The following LRBA variants were observed in gnomAD, a reference collection of about 807,000 sequenced individuals.
LRBA encodes the protein lipopolysaccharide-responsive and beige-like anchor protein.
In LRBA, 176 loss-of-function variants were observed where a neutral mutation model predicts 330.0. The observed-to-expected ratio is 0.53, with a 90% CI of 0.47 to 0.60. LRBA has a LOEUF of 0.60. Among genes scored for constraint, LRBA ranks in the 20% least tolerant of loss-of-function variants. The pLI is 0.00. For missense variants in LRBA, 3,259 were observed against 3,444.8 expected (o/e 0.95, Z 1.35); for synonymous variants, 1,230 against 1,193.0 (o/e 1.03, Z -0.64).
intron 37 of LRBA, among the ~76,000 whole-genome samples, chr4:150,625,356 A>G (rs1776745892): frequency 6.6e-6 from 1 of 152,226 alleles, no homozygotes; most frequent in Non-Finnish European, 1.5e-5. Flanking sequence ...TGACTGATAA[A>G]ATAAAGCCGT....
rs543057830 is a variant in LRBA, at chr4:151,009,040, T to C, written c.216+5387A>G. Among the ~76,000 whole-genome samples, 879 of 118,852 alleles carry C rather than the reference T, an allele frequency of 7.4e-3. 19 individuals carry two copies. The highest frequency in any genetic ancestry group is 0.02 in the Middle Eastern group (4 of 202). The allele number at this position is 118,852 out of a possible 152,430, so 78.0% of individuals were successfully genotyped here. ...ATATATATATATAAAATGGTATTTT[T>C]TTTTCTTATACAGACAAGGTCTTAC... On this transcript the variant is annotated intron_variant, in intron 2 of 56. Coordinates refer to ENST00000651943, the MANE Select transcript of LRBA (RefSeq NM_001364905.1).
Position 150,367,930 on chromosome 4 carries a change from T to A in LRBA, c.7195-17771A>T, listed in dbSNP as rs189975803. Among the ~76,000 whole-genome samples, 119 of 152,266 alleles carry A rather than the reference T, an allele frequency of 7.8e-4. 1 individual carries two copies. The highest frequency in any genetic ancestry group is 2.2e-3 in the Admixed American group (34 of 15,286). On this transcript the variant is annotated intron_variant, in intron 47 of 56. Coordinates refer to ENST00000651943, the MANE Select transcript of LRBA (RefSeq NM_001364905.1). The stretch of plus-strand genomic sequence containing the variant: ...AAGATTGTCAATATAATCCCTAAAC[T>A]CTATCTCTGGATATTTTCTGTAACT...
chr4:150,609,886 A>G (rs751725616), intron 37 of LRBA, among the ~76,000 whole-genome samples: 1 of 152,170 alleles, frequency 6.6e-6, no homozygotes, highest in Non-Finnish European at 1.5e-5. Context: ...GGGTTTGATA[A>G]AGACAGAAGA....
intron 36 of LRBA, among the ~76,000 whole-genome samples, chr4:150,696,962 C>T (rs994410169): frequency 6.7e-6 from 1 of 149,926 alleles, no homozygotes; most frequent in Non-Finnish European, 1.5e-5. Context: ...TGTACTGAGC[C>T]GAGACTGCAG....
intron 28 of LRBA, among the ~76,000 whole-genome samples, chr4:150,843,087 A>C (rs1409459131): frequency 6.6e-6 from 1 of 151,780 alleles, no homozygotes; most frequent in African/African-American, 2.4e-5. Flanking sequence ...GCTTGGCTTC[A>C]CTCCTCACCC....
At chr4:150,763,421 T>A (rs1161608708) in intron 34 of LRBA, among the ~76,000 whole-genome samples, 1 of 152,030 alleles carries the variant, frequency 6.6e-6, no homozygotes, top group African/African-American at 2.4e-5. Flanking sequence ...AAATTCATAC[T>A]GAATTCATAT....
At chr4:150,837,765 T>C (rs1022672541) in intron 28 of LRBA, among the ~76,000 whole-genome samples, 4 of 152,240 alleles carry the variant, frequency 2.6e-5, no homozygotes, top group South Asian at 4.1e-4. Context: ...TCTGTGTCTT[T>C]TAATTGGAGC....
intron 37 of LRBA, among the ~76,000 whole-genome samples, chr4:150,649,752 C>A (rs1341986162): frequency 6.6e-6 from 1 of 151,980 alleles, no homozygotes; most frequent in Non-Finnish European, 1.5e-5. Context: ...AATTGAGTTA[C>A]CCCAATTTAA....
intron 51 of LRBA, among the ~76,000 whole-genome samples, chr4:150,312,287 A>G (rs967301517): frequency 1.3e-5 from 2 of 152,122 alleles, no homozygotes; most frequent in Non-Finnish European, 2.9e-5. Context: ...GCAGTCTTCA[A>G]ACTAGGGTAT....
intron 35 of LRBA, among the ~76,000 whole-genome samples, chr4:150,748,670 GAA>G (rs554679047): frequency 4.3e-5 from 5 of 116,152 alleles, no homozygotes; most frequent in Non-Finnish European, 3.8e-5. Flanking sequence ...CCATCTCACA[GAA>G]AAAAAAAAAA....
chr4:150,699,947 TCAAAATG>T (rs1451399024), intron 36 of LRBA, among the ~76,000 whole-genome samples: 3 of 152,052 alleles, frequency 2.0e-5, no homozygotes, highest in Admixed American at 6.6e-5. Context: ...AATTCAAAAT[TCAAAATG>T]CTCCAAAATC....
At chr4:150,318,027 A>C (rs1731952235) in intron 50 of LRBA, among the ~76,000 whole-genome samples, 1 of 152,202 alleles carries the variant, frequency 6.6e-6, no homozygotes, top group South Asian at 2.1e-4. Context: ...TATCTACTCC[A>C]GCCATGTTTT....
In LRBA at chr4:150,900,037, G is replaced by T; in HGVS notation, c.1924+12C>A. ...ATTTGTGTAAAGTAATATACAGACA[G>T]AAATTATATACCTAATCCTTTTGGG... On this transcript the variant is annotated intron_variant, in intron 14 of 56. Coordinates refer to ENST00000651943, the MANE Select transcript of LRBA (RefSeq NM_001364905.1). The T allele has an allele frequency of 6.3e-7, 1 of 1,594,276 alleles. No homozygotes were observed. Among genetic ancestry groups the T allele is most frequent in the Non-Finnish European group, 8.6e-7 (1 of 1,167,438 alleles).
At chr4:150,377,383 G>C (rs1741508968) in intron 47 of LRBA, among the ~76,000 whole-genome samples, 1 of 152,154 alleles carries the variant, frequency 6.6e-6, no homozygotes, top group African/African-American at 2.4e-5. Context: ...TGAAAACCTG[G>C]ATCTGTGATT....
At chr4:150,682,743 C>T (rs973822676) in intron 37 of LRBA, among the ~76,000 whole-genome samples, 1 of 151,914 alleles carries the variant, frequency 6.6e-6, no homozygotes, top group Non-Finnish European at 1.5e-5. Flanking sequence ...AAGTAATTTA[C>T]TATTTTTGTT....
At position 150,489,291 on chromosome 4, in the gene LRBA, TATATA is replaced by T. The variant is rs575897131; in HGVS notation, c.6449-1462_6449-1458del. The stretch of plus-strand genomic sequence containing the variant: ...ATATATAATATATTATATATAAGAA[TATATA>T]ATATATTATATATAAGAATATATAA... On this transcript the variant is annotated intron_variant, in intron 41 of 56. Coordinates refer to ENST00000651943, the MANE Select transcript of LRBA (RefSeq NM_001364905.1). Among the ~76,000 whole-genome samples, 154 of 102,310 alleles carry T rather than the reference TATATA, an allele frequency of 1.5e-3. 10 individuals carry two copies. The South Asian group carries it at 0.04, about 27-fold the overall frequency. 67.1% of individuals were successfully genotyped at this position (102,310 alleles called of 152,430 possible).
rs535592821 is a variant in LRBA at position 150,318,826 on chromosome 4, C to T, written c.7630+2365G>A. 2.6e-5 allele frequency among the ~76,000 whole-genome samples: 4 copies of T among 152,228 alleles called. No homozygotes were observed. In the South Asian group the frequency reaches 8.3e-4, roughly 32 times the overall value. On this transcript the variant is annotated intron_variant, in intron 50 of 56. Transcript: ENST00000651943. ...TGGTTATAGACACAATGAAAGCTCA[C>T]TGAACAGAAATATAGGCAAGATTCT...
At chr4:150,857,894 T>C (rs543329209) in intron 22 of LRBA, among the ~76,000 whole-genome samples, 1 of 152,290 alleles carries the variant, frequency 6.6e-6, no homozygotes, top group African/African-American at 2.4e-5. Flanking sequence ...TCATATAATA[T>C]GCAGGCATTA....
intron 40 of LRBA, 112 bp downstream of exon 40, chr4:150,587,936 G>A (rs1772322019): frequency 8.3e-7 from 1 of 1,202,044 alleles, no homozygotes; most frequent in Non-Finnish European, 1.1e-6. Flanking sequence ...TATAAGCCAA[G>A]GCAACTTAGA....
Sources: allele counts gnomAD v4.1 joint callset (sites outside exome capture counted in the v4.1 genomes callset), GRCh38; gene constraint gnomAD v4.1.1; transcripts MANE v1.5; gene names NCBI Gene and HGNC (gene_info 2026-07-23, HGNC 2026-07-21).